SKIL: variants seen among roughly 807,000 people sequenced by gnomAD.
The protein encoded by SKIL is ski-like protein.
In SKIL, 20 loss-of-function variants were observed where a neutral mutation model predicts 69.6. That is an observed-to-expected ratio of 0.29 (90% CI 0.20 to 0.42). SKIL has a LOEUF of 0.42. Ranked by LOEUF, SKIL falls within the 10% of genes least tolerant of loss-of-function variation. SKIL has a pLI of 1.00. For synonymous variants in SKIL, 310 were observed against 279.9 expected (o/e 1.11, Z -1.08); for missense variants, 745 against 783.1 (o/e 0.95, Z 0.58).
intron 4 of SKIL, among the ~76,000 whole-genome samples, chr3:170,385,263 T>A (rs1457184382): frequency 6.6e-6 from 1 of 150,610 alleles, no homozygotes; most frequent in African/African-American, 2.4e-5. Context: ...AAAAATTTTT[T>A]TTTTTTTTTT....
intron 1 of SKIL, chr3:170,358,601 G>A (rs1204901740): frequency 1.3e-5 from 2 of 152,558 alleles, no homozygotes; most frequent in South Asian, 2.1e-4. Flanking sequence ...AAGTCTGTAC[G>A]ATGGTTGGTG....
chr3:170,377,542 CTTTTTTTT>C (rs749615295), intron 2 of SKIL, among the ~76,000 whole-genome samples: 2 of 77,332 alleles, frequency 2.6e-5, no homozygotes, highest in Non-Finnish European at 2.3e-5. Context: ...CTCAATAATT[CTTTTTTTT>C]TTTTTTTTTT....
chr3:170,370,453 C>T lies in SKIL; in HGVS notation c.1098+9024C>T, dbSNP rs1323670472. ...AGAGAGAGAGAGCCCCCCCCCCCCC[C>T]CCGAGCAGGAGTTCATCTTATAGTC... On this transcript the variant is annotated intron_variant, in intron 2 of 6. Coordinates refer to ENST00000259119, the MANE Select transcript of SKIL (RefSeq NM_005414.5). Among the ~76,000 whole-genome samples the T allele has an allele frequency of 1.5e-4, 7 of 47,850 alleles. 1 individual carries two copies. The East Asian group carries it at 4.0e-3, about 27-fold the overall frequency. The allele number at this position is 47,850 out of a possible 152,430, so 31.4% of individuals were successfully genotyped here.
rs902739082 is a variant in SKIL, at chr3:170,361,105, T to C, written c.774T>C (p.Thr258=). 1.9e-6 allele frequency: 3 copies of C among 1,614,254 alleles called. No individual in the cohort carries two copies. The highest frequency in any genetic ancestry group is 2.5e-6 in the Non-Finnish European group (3 of 1,180,036). Residue 258 remains threonine, a synonymous_variant, in exon 2 of 7, where the codon ACT becomes ACC. Transcript: ENST00000259119. ...AKSSLAQLKE[T]GSAFEVEHEC... ...GCTCATTGGCCCAGTTAAAGGAAACTGGCAGTGCCTTTGAAGTGGAGCATG... is the reference window on the plus strand; with the variant it reads ...GCTCATTGGCCCAGTTAAAGGAAACCGGCAGTGCCTTTGAAGTGGAGCATG...
chr3:170,360,805 A>G lies in SKIL; in HGVS notation c.474A>G (p.Gln158=), dbSNP rs1736188468. The change falls in exon 2 of 7, where the codon CAA becomes CAG. Residue 158 remains glutamine, a synonymous_variant. Coordinates refer to ENST00000259119, the MANE Select transcript of SKIL (RefSeq NM_005414.5). Reference sequence around the variant, plus strand: ...AAGGGGAATCTATTTCTTGTTTTCAAGTTGGAGGAGAAAAGAGACTCTGTT... The same window carrying G: ...AAGGGGAATCTATTTCTTGTTTTCAGGTTGGAGGAGAAAAGAGACTCTGTT... ...VLEGESISCF[Q]VGGEKRLCLP... is the part of the protein sequence containing the mutation. 1 of 1,614,086 alleles carries G rather than the reference A, an allele frequency of 6.2e-7. No individual in the cohort carries two copies. Among genetic ancestry groups the G allele is most frequent in the African/African-American group, 1.3e-5 (1 of 74,934 alleles).
At chr3:170,374,738 T>G (rs1203313832) in intron 2 of SKIL, among the ~76,000 whole-genome samples, 1 of 152,254 alleles carries the variant, frequency 6.6e-6, no homozygotes, top group Non-Finnish European at 1.5e-5. Flanking sequence ...TAATTTGTTA[T>G]AAATGTGTTT....
chr3:170,360,507 A>G lies in SKIL; in HGVS notation c.176A>G (p.Glu59Gly). The part of the protein sequence containing the change: ...VKKEHLDDYG[E>G]APVETDGEHV... ...AAGGAACACTTGGATGACTATGGAG[A>G]AGCACCAGTGGAAACTGATGGAGAG... The change falls in exon 2 of 7, where the codon GAA (glutamate) becomes GGA (glycine). Residue 59 changes from glutamate (E) to glycine (G), a missense_variant. Transcript: ENST00000259119. 6.2e-7 allele frequency: 1 copy of G among 1,614,154 alleles called. No homozygotes were observed. The highest frequency in any genetic ancestry group is 1.1e-5 in the South Asian group (1 of 91,080).
intron 6 of SKIL, 37 bp downstream of exon 6, chr3:170,391,297 C>A: frequency 8.5e-7 from 1 of 1,177,770 alleles, no homozygotes; most frequent in Non-Finnish European, 1.2e-6. Context: ...GCCCTTTCAG[C>A]ATGGAAATGG....
intron 2 of SKIL, among the ~76,000 whole-genome samples, chr3:170,379,483 C>CA (rs1445441786): frequency 2.0e-4 from 12 of 60,312 alleles, no homozygotes; most frequent in East Asian, 1.5e-3. Flanking sequence ...GTCTTGCCCC[C>CA]CCTTTTAAGT....
intron 3 of SKIL, among the ~76,000 whole-genome samples, chr3:170,382,623 G>T (rs1737412943): frequency 6.6e-6 from 1 of 151,850 alleles, no homozygotes; most frequent in African/African-American, 2.4e-5. Context: ...ATGTTGGCCA[G>T]GCTGGTTTTG....
chr3:170,395,792 T>C lies in SKIL; in HGVS notation c.*3375T>C, dbSNP rs1738155648. The stretch of plus-strand genomic sequence containing the variant: ...CATTAAAAATTAATATAAAGAAAAA[T>C]CGTGCTCATACTGTACATCTGTTTC... On this transcript the variant is annotated 3_prime_UTR_variant, in exon 7 of 7. Transcript: ENST00000259119. 1 of 152,050 alleles carries C rather than the reference T, an allele frequency of 6.6e-6. No homozygotes were observed. Among genetic ancestry groups the C allele is most frequent in the Admixed American group, 6.6e-5 (1 of 15,262 alleles). The allele number at this position is 152,050 out of a possible 1,614,324, so 9.4% of individuals were successfully genotyped here.
At position 170,384,763 on chromosome 3, in the gene SKIL, T is replaced by G. The variant is rs1737534085; in HGVS notation, c.1427T>G (p.Leu476Ter). Residue 476 changes from leucine (L) to a stop codon, truncating the protein, a stop_gained and splice_region_variant, in exon 4 of 7, where the codon TTA (leucine) becomes TGA (stop). Coordinates refer to ENST00000259119, the MANE Select transcript of SKIL (RefSeq NM_005414.5). LOFTEE classifies it high-confidence loss of function. ...ACAAGTAGAGAATTATGTAGCCGTT[T>G]AGGTAAGTATTCAGAGATTATCTTT... ...LKTSRELCSR[L>*]DASISNNSTS... 1 of 1,459,210 alleles carries G rather than the reference T, an allele frequency of 6.9e-7. No homozygotes were observed. Among genetic ancestry groups the G allele is most frequent in the Non-Finnish European group, 9.6e-7 (1 of 1,046,258 alleles). The allele number at this position is 1,459,210 out of a possible 1,614,324, so 90.4% of individuals were successfully genotyped here.
intron 3 of SKIL, among the ~76,000 whole-genome samples, chr3:170,383,354 G>GA (rs924725713): frequency 1.6e-4 from 25 of 152,318 alleles, no homozygotes; most frequent in African/African-American, 5.5e-4. Context: ...TAACAAAGGG[G>GA]AACAATATAG....
chr3:170,390,794 TAGTA>T (rs1737872556), intron 5 of SKIL, among the ~76,000 whole-genome samples: 1 of 152,202 alleles, frequency 6.6e-6, no homozygotes, highest in African/African-American at 2.4e-5. Flanking sequence ...TGTATATTCT[TAGTA>T]AGAAAAGTCA....
intron 5 of SKIL, among the ~76,000 whole-genome samples, 166 bp downstream of exon 5, chr3:170,390,630 G>T (rs1737866226): frequency 6.6e-6 from 1 of 152,104 alleles, no homozygotes. Context: ...AGCATTACAG[G>T]CACGTGCCAC....
intron 2 of SKIL, among the ~76,000 whole-genome samples, chr3:170,377,398 C>CT (rs34584855): frequency 0.74 from 101,476 of 136,592 alleles, 38,099 homozygotes; most frequent in East Asian, 0.83. Context: ...GTGCCCAGGC[C>CT]TTTTTTTTTT....
intron 4 of SKIL, 26 bp downstream of exon 4, chr3:170,384,791 AAAATT>A (rs1737535629): frequency 1.7e-6 from 2 of 1,175,480 alleles, no homozygotes; most frequent in South Asian, 1.4e-5. Flanking sequence ...TTATCTTTCT[AAAATT>A]AAATATCTAA....
At chr3:170,387,569 T>A (rs1334248357) in intron 4 of SKIL, among the ~76,000 whole-genome samples, 1 of 151,808 alleles carries the variant, frequency 6.6e-6, no homozygotes, top group East Asian at 1.9e-4. Context: ...TATACCACAT[T>A]TTTTTTATTC....
chr3:170,394,179 T>C lies in SKIL; in HGVS notation c.*1762T>C, dbSNP rs1738075995. ...AGTCTCGCTGTCTCCCAGGCTGGAGTTCAGTGGTGCAATCTCGGCTCACTG... is the reference window on the plus strand; with the variant it reads ...AGTCTCGCTGTCTCCCAGGCTGGAGCTCAGTGGTGCAATCTCGGCTCACTG... On this transcript the variant is annotated 3_prime_UTR_variant, in exon 7 of 7. Transcript: ENST00000259119. The C allele has an allele frequency of 7.5e-6, 1 of 133,830 alleles. No individual in the cohort carries two copies. The highest frequency in any genetic ancestry group is 2.3e-4 in the East Asian group (1 of 4,364). The allele number at this position is 133,830 out of a possible 1,614,324, so 8.3% of individuals were successfully genotyped here. A position where few individuals can be genotyped will look rare whatever the true frequency, so the allele number is the denominator to read the frequency against.
Sources: gnomAD v4.1 joint callset for allele counts (sites outside exome capture counted in the v4.1 genomes callset) on GRCh38, gnomAD v4.1.1 for gene constraint, MANE v1.5 for transcripts, NCBI Gene and HGNC (gene_info 2026-07-23, HGNC 2026-07-21) for gene names.